The following GDPD1 variants were observed in gnomAD, a reference collection of about 807,000 sequenced individuals.
The protein encoded by GDPD1 is glycerophosphodiester phosphodiesterase domain containing 1.
GDPD1 carries 28 observed loss-of-function variants against 45.1 expected under a neutral mutation model. That is an observed-to-expected ratio of 0.62 (90% CI 0.46 to 0.85). The LOEUF (loss-of-function observed/expected upper bound fraction) is 0.85. Ranked by LOEUF, GDPD1 falls within the 40% of genes least tolerant of loss-of-function variation. The probability of loss-of-function intolerance (pLI) is 0.00; values close to 1 mark genes in which losing one functional copy is unlikely to be tolerated. For missense variants in GDPD1, 256 were observed against 364.8 expected (o/e 0.70, Z 2.43); for synonymous variants, 139 against 131.4 (o/e 1.06, Z -0.40).
chr17:59,243,562 C>T (rs918485497), intron 2 of GDPD1, among the ~76,000 whole-genome samples: 16 of 151,742 alleles, frequency 1.1e-4, no homozygotes, highest in African/African-American at 4.8e-5. Context: ...CTCTGGGTTG[C>T]AGTTTTATCC....
At chr17:59,254,964 G>A (rs965639540) in intron 4 of GDPD1, among the ~76,000 whole-genome samples, 1 of 152,164 alleles carries the variant, frequency 6.6e-6, no homozygotes, top group South Asian at 2.1e-4. Flanking sequence ...CAGAGAGGCA[G>A]AGCCAATGAT....
chr17:59,257,078 A>T, intron 4 of GDPD1, 44 bp from the exon 5 acceptor site: 1 of 1,012,806 alleles, frequency 9.9e-7, no homozygotes, highest in Non-Finnish European at 1.5e-6. Flanking sequence ...TCAAAAAGTA[A>T]AACTTATATT....
intron 6 of GDPD1, among the ~76,000 whole-genome samples, chr17:59,259,918 A>G (rs2047341217): frequency 6.6e-6 from 1 of 150,806 alleles, no homozygotes; most frequent in South Asian, 2.1e-4. Context: ...AAAACTGGCT[A>G]GGCATGGTGG....
intron 1 of GDPD1, 81 bp downstream of exon 1, chr17:59,220,832 G>A: frequency 6.7e-7 from 1 of 1,483,722 alleles, no homozygotes; most frequent in South Asian, 1.2e-5. Context: ...GCAGCCGGGT[G>A]CCAATCCCTG....
intron 6 of GDPD1, among the ~76,000 whole-genome samples, chr17:59,261,774 C>T (rs1404867235): frequency 2.0e-5 from 3 of 151,966 alleles, no homozygotes; most frequent in Admixed American, 6.6e-5. Flanking sequence ...GCTGGGACTA[C>T]AGGTATGTAC....
At position 59,257,225 on chromosome 17, in the gene GDPD1, T is replaced by G. The variant is rs2047316248; in HGVS notation, c.471T>G (p.Asn157Lys). ...ACATCGATATCAAAGTCAACAACAA[T>G]GTGCTGATTAAGAAGGTACTCAAGG... ...PINIDIKVNNNVLIKKVSELV... is the reference protein window; with the variant it reads ...PINIDIKVNNKVLIKKVSELV... Residue 157 changes from asparagine to lysine, a missense_variant, in exon 5 of 10, where the codon AAT becomes AAG. Asn to Lys is a moderately conservative substitution (Grantham distance 94). Transcript: ENST00000284116. 5.7e-6 allele frequency: 9 copies of G among 1,579,830 alleles called. No individual in the cohort carries two copies. The highest frequency in any genetic ancestry group is 7.8e-6 in the Non-Finnish European group (9 of 1,159,120).
intron 6 of GDPD1, among the ~76,000 whole-genome samples, chr17:59,259,014 A>G (rs2047331368): frequency 6.6e-6 from 1 of 151,496 alleles, no homozygotes; most frequent in Non-Finnish European, 1.5e-5. Flanking sequence ...AGCCCTCAGG[A>G]GATCCTGAGA....
chr17:59,248,862 C>A, intron 4 of GDPD1, 77 bp downstream of exon 4: 1 of 1,015,616 alleles, frequency 9.8e-7, no homozygotes, highest in Non-Finnish European at 1.5e-6. Flanking sequence ...TAAGTTCTTA[C>A]TAAAAGTAAC....
intron 6 of GDPD1, among the ~76,000 whole-genome samples, chr17:59,262,451 G>A (rs969643999): frequency 6.6e-6 from 1 of 152,054 alleles, no homozygotes; most frequent in African/African-American, 2.4e-5. Flanking sequence ...CGAACTGGAT[G>A]GTCCTCAAAG....
intron 1 of GDPD1, among the ~76,000 whole-genome samples, chr17:59,221,265 C>T (rs764672410): frequency 1.3e-5 from 2 of 151,848 alleles, no homozygotes; most frequent in Non-Finnish European, 2.9e-5. Context: ...GCTGGGGGCC[C>T]GTCCCACCCC....
At chr17:59,256,972 C>A (rs1269771974) in intron 4 of GDPD1, 150 bp from the exon 5 acceptor site, 1 of 440,918 alleles carries the variant, frequency 2.3e-6, no homozygotes, top group East Asian at 3.7e-5. Context: ...GCATTTATAT[C>A]TAAGTTGTTG....
At chr17:59,224,726 G>A (rs1446923670) in intron 1 of GDPD1, among the ~76,000 whole-genome samples, 1 of 152,190 alleles carries the variant, frequency 6.6e-6, no homozygotes, top group African/African-American at 2.4e-5. Context: ...AGAGGCTGAG[G>A]CAGGAGGATC....
chr17:59,233,800 T>G (rs1255128110), intron 1 of GDPD1, among the ~76,000 whole-genome samples: 1 of 152,208 alleles, frequency 6.6e-6, no homozygotes, highest in African/African-American at 2.4e-5. Flanking sequence ...ATTGTTCTCA[T>G]GAATGATGAA....
rs552490998 is a variant in GDPD1 at position 59,263,635 on chromosome 17, C to T, written c.577-3406C>T. Among the ~76,000 whole-genome samples, 33 of 151,648 alleles carry T rather than the reference C, an allele frequency of 2.2e-4. No homozygotes were observed. The South Asian group carries it at 5.0e-3, about 23-fold the overall frequency. ...CTGGGATTACAGGCATGCACCACCA[C>T]GCCCAGCTAATTTTTTGTATTTTTA... On this transcript the variant is annotated intron_variant, in intron 6 of 9. Coordinates refer to ENST00000284116, the MANE Select transcript of GDPD1 (RefSeq NM_182569.4).
At chr17:59,235,683 G>T (rs2047126098) in intron 2 of GDPD1, among the ~76,000 whole-genome samples, 1 of 152,030 alleles carries the variant, frequency 6.6e-6, no homozygotes, top group Non-Finnish European at 1.5e-5. Flanking sequence ...TGGGCGTGGT[G>T]GCATGCGCCT....
At chr17:59,228,320 CAG>C (rs2047063641) in intron 1 of GDPD1, among the ~76,000 whole-genome samples, 1 of 152,110 alleles carries the variant, frequency 6.6e-6, no homozygotes, top group African/African-American at 2.4e-5. Context: ...CCTAAAACTC[CAG>C]AGTCTCACCC....
chr17:59,266,951 A>T (rs2047403525), intron 6 of GDPD1, 90 bp from the exon 7 acceptor site: 1 of 1,072,570 alleles, frequency 9.3e-7, no homozygotes, highest in Admixed American at 2.2e-5. Context: ...ATTTCAACAC[A>T]TTGTCTTGGG....
chr17:59,264,097 C>T (rs9797302), intron 6 of GDPD1, among the ~76,000 whole-genome samples: 6,930 of 152,218 alleles, frequency 0.046, 242 homozygotes, highest in East Asian at 0.13. Flanking sequence ...CTGCTGGGTT[C>T]AAGCAATTCT....
chr17:59,255,089 T>G (rs2047286061), intron 4 of GDPD1, among the ~76,000 whole-genome samples: 1 of 152,164 alleles, frequency 6.6e-6, no homozygotes, highest in Non-Finnish European at 1.5e-5. Context: ...AGGGTATAAT[T>G]ATAAATAATT....
Sources: gnomAD v4.1 joint callset for allele counts (sites outside exome capture counted in the v4.1 genomes callset) on GRCh38, gnomAD v4.1.1 for gene constraint, MANE v1.5 for transcripts, NCBI Gene and HGNC (gene_info 2026-07-23, HGNC 2026-07-21) for gene names.